RAF1: variants seen among roughly 807,000 people sequenced by gnomAD.
RAF1 encodes the protein RAF proto-oncogene serine/threonine-protein kinase.
In RAF1, 27 loss-of-function variants were observed where a neutral mutation model predicts 81.1. That is an observed-to-expected ratio of 0.33 (90% CI 0.25 to 0.46). RAF1 has a LOEUF of 0.46. RAF1 is among the 20% of genes least tolerant of loss of function. The pLI is 1.00. For missense variants in RAF1, 598 were observed against 826.0 expected, an observed-to-expected ratio of 0.72 and a Z score of 3.38; for synonymous variants, 298 against 294.0, an observed-to-expected ratio of 1.01 and a Z score of -0.14.
chr3:12,601,169 A>G (rs951899357), intron 8 of RAF1, among the ~76,000 whole-genome samples: 2 of 152,240 alleles, frequency 1.3e-5, no homozygotes, highest in African/African-American at 4.8e-5. Flanking sequence ...GAAAGCTGGA[A>G]AGACCACAAA....
chr3:12,624,333 C>A (rs1425853108), intron 1 of RAF1, among the ~76,000 whole-genome samples: 1 of 152,104 alleles, frequency 6.6e-6, no homozygotes, highest in Non-Finnish European at 1.5e-5. Context: ...TCAACGCAAA[C>A]ATCTGAAAAA....
intron 11 of RAF1, among the ~76,000 whole-genome samples, chr3:12,592,235 A>C (rs557175911): frequency 6.6e-6 from 1 of 152,334 alleles, no homozygotes; most frequent in Admixed American, 6.5e-5. Flanking sequence ...CAGTGCATAC[A>C]TATGAATGGC....
rs747783742 is a variant in RAF1 at position 12,618,610 on chromosome 3, A to G, written c.112T>C (p.Tyr38His). 6.2e-7 allele frequency: 1 copy of G among 1,614,194 alleles called. No homozygotes were observed. The highest frequency in any genetic ancestry group is 8.5e-7 in the Non-Finnish European group (1 of 1,180,036). ...CCATCATCTGATGCCCGGCGCTGAT[A>G]GCCAAACTGCTGAACTATTGTAGGA... The change falls in exon 2 of 18, where the codon TAT (tyrosine) becomes CAT (histidine). Residue 38 changes from tyrosine to histidine, a missense_variant. Physicochemically the swap from Tyr to His is moderately conservative, Grantham distance 83 (BLOSUM62 2). Coordinates refer to ENST00000442415, the MANE Select transcript of RAF1 (RefSeq NM_001354689.3).
intron 1 of RAF1, among the ~76,000 whole-genome samples, chr3:12,637,690 T>C (rs2060071563): frequency 6.6e-6 from 1 of 151,620 alleles, no homozygotes; most frequent in Non-Finnish European, 1.5e-5. Flanking sequence ...CTGTCTCTAC[T>C]AAAGATACAA....
intron 1 of RAF1, among the ~76,000 whole-genome samples, chr3:12,627,871 G>A (rs1169884968): frequency 6.6e-6 from 1 of 152,200 alleles, no homozygotes; most frequent in Non-Finnish European, 1.5e-5. Flanking sequence ...TGTAATCCTA[G>A]CACTATGGGA....
chr3:12,611,840 A>T, intron 3 of RAF1, 110 bp downstream of exon 3: 1 of 836,352 alleles, frequency 1.2e-6, no homozygotes, highest in Non-Finnish European at 2.1e-6. Flanking sequence ...AAAGGTATAG[A>T]AATATACAAT....
At chr3:12,661,484 A>T (rs570941033) in intron 1 of RAF1, among the ~76,000 whole-genome samples, 1 of 152,146 alleles carries the variant, frequency 6.6e-6, no homozygotes, top group African/African-American at 2.4e-5. Context: ...AGGTGGGCAG[A>T]TCTCTTGCGG....
chr3:12,610,334 C>A lies in RAF1; in HGVS notation c.321-999G>T, dbSNP rs151277152. ...CCTTAATATAATTACCTATACAGCA[C>A]CTGGAAAACTTCCTATAACTCCAAA... is the stretch of plus-strand genomic sequence containing the variant. On this transcript the variant is annotated intron_variant, in intron 3 of 17. Coordinates refer to ENST00000442415, the MANE Select transcript of RAF1 (RefSeq NM_001354689.3). Among the ~76,000 whole-genome samples the A allele has an allele frequency of 4.7e-3, 719 of 152,286 alleles. 8 individuals carry two copies. Among genetic ancestry groups the A allele is most frequent in the African/African-American group, 0.016 (667 of 41,556 alleles).
At chr3:12,591,862 G>C in intron 11 of RAF1, 70 bp from the exon 11 acceptor site, 1 of 1,140,444 alleles carries the variant, frequency 8.8e-7, no homozygotes, top group Non-Finnish European at 1.3e-6. Flanking sequence ...CTAGTTTTGA[G>C]GAAGATACAG....
chr3:12,620,425 G>A lies in RAF1; in HGVS notation c.-26-1678C>T, dbSNP rs565699880. ...CCTGGGATTACAGGCATGAGCCACC[G>A]TGCCCAGCCAGATTTTTAATCCCTT... On this transcript the variant is annotated intron_variant, in intron 1 of 17. Coordinates refer to ENST00000442415, the MANE Select transcript of RAF1 (RefSeq NM_001354689.3). Among the ~76,000 whole-genome samples the A allele has an allele frequency of 3.2e-4, 48 of 152,124 alleles. No individual in the cohort carries two copies. The South Asian group carries it at 5.2e-3, about 17-fold the overall frequency.
chr3:12,584,717 T>C lies in RAF1; in HGVS notation c.1864-60A>G. 1.9e-6 allele frequency: 3 copies of C among 1,613,246 alleles called. No homozygotes were observed. The South Asian group carries it at 3.3e-5, about 18-fold the overall frequency. On this transcript the variant is annotated intron_variant, in intron 17 of 17. Coordinates refer to ENST00000442415, the MANE Select transcript of RAF1 (RefSeq NM_001354689.3). ...TGTCTCAAAGACACAGGATGTACCC[T>C]GCCCCCCACCATCTTGTAGAGGACC...
chr3:12,611,205 GTTTTTGTT>G (rs1553615204), intron 3 of RAF1, among the ~76,000 whole-genome samples: 3 of 151,984 alleles, frequency 2.0e-5, no homozygotes, highest in East Asian at 3.9e-4. Context: ...ACATGTGTTT[GTTTTTGTT>G]TTTTTGTTTT....
At chr3:12,634,938 T>C (rs1363212578) in intron 1 of RAF1, among the ~76,000 whole-genome samples, 1 of 152,134 alleles carries the variant, frequency 6.6e-6, no homozygotes, top group African/African-American at 2.4e-5. Context: ...GTTTACAAAA[T>C]GATTATAAGA....
Position 12,585,239 on chromosome 3 carries a change from G to A in RAF1, c.1611C>T (p.Ile537=), listed in dbSNP as rs2058293361. Residue 537 remains isoleucine, a synonymous_variant, in exon 16 of 18, where the codon ATC becomes ATT. Coordinates refer to ENST00000442415, the MANE Select transcript of RAF1 (RefSeq NM_001354689.3). ...TGAATGGGTTGTTATCCTGCATTCG[G>A]ATCACCTCTGGGGCCTACATGTATC... The A allele has an allele frequency of 6.2e-7, 1 of 1,614,106 alleles. No individual in the cohort carries two copies. Among genetic ancestry groups the A allele is most frequent in the Non-Finnish European group, 8.5e-7 (1 of 1,180,030 alleles).
chr3:12,590,753 A>G (rs768255947), intron 13 of RAF1, 45 bp downstream of exon 12: 3 of 1,570,478 alleles, frequency 1.9e-6, no homozygotes, highest in Non-Finnish European at 2.6e-6. Context: ...TTTAGGGACA[A>G]ATTTGATGCC....
chr3:12,637,828 G>A (rs1486048851), intron 1 of RAF1, among the ~76,000 whole-genome samples: 1 of 152,010 alleles, frequency 6.6e-6, no homozygotes, highest in Non-Finnish European at 1.5e-5. Flanking sequence ...ACTCCAGCCT[G>A]GGCGATAGAG....
At chr3:12,608,742 T>C (rs1255954141) in intron 5 of RAF1, 24 bp downstream of exon 5, 2 of 1,611,178 alleles carry the variant, frequency 1.2e-6, no homozygotes, top group African/African-American at 1.3e-5. Context: ...CCTATCTTCC[T>C]TGGATAAAAG....
chr3:12,651,653 C>CAA (rs58108878), intron 1 of RAF1, among the ~76,000 whole-genome samples: 26 of 121,034 alleles, frequency 2.1e-4, no homozygotes, highest in Middle Eastern at 9.3e-3. Context: ...GACTTGGTCT[C>CAA]AAAAAAAAAA....
intron 6 of RAF1, 143 bp downstream of exon 6, chr3:12,606,058 C>T (rs2125405673): frequency 1.6e-6 from 1 of 640,886 alleles, no homozygotes; most frequent in Non-Finnish European, 2.8e-6. Flanking sequence ...TCTGTACCAC[C>T]AGTATCAAGT....
Sources: gnomAD v4.1 joint callset for allele counts (sites outside exome capture counted in the v4.1 genomes callset) on GRCh38, gnomAD v4.1.1 for gene constraint, MANE v1.5 for transcripts, NCBI Gene and HGNC (gene_info 2026-07-23, HGNC 2026-07-21) for gene names.